Variants in ARMC10 observed in about 807,000 individuals in gnomAD.
ARMC10 encodes the protein armadillo repeat-containing protein 10.
A neutral mutation model predicts 30.2 loss-of-function variants in ARMC10; 23 were observed. That is an observed-to-expected ratio of 0.76 (90% CI 0.55 to 1.08). ARMC10 has a LOEUF of 1.08. Ranked by LOEUF, ARMC10 falls within the 50% of genes least tolerant of loss-of-function variation. The pLI, the probability that ARMC10 is intolerant of heterozygous loss-of-function variation, is 0.00. For missense variants in ARMC10, 303 were observed against 413.7 expected, an observed-to-expected ratio of 0.73 and a Z score of 2.32; for synonymous variants, 111 against 164.4, an observed-to-expected ratio of 0.68 and a Z score of 2.48.
chr7:103,075,812 TGC>T lies in ARMC10; in HGVS notation c.177_178del (p.Cys59TrpfsTer23), dbSNP rs1251575363. 1.2e-6 allele frequency: 2 copies of T among 1,610,982 alleles called. No homozygotes were observed. The highest frequency in any genetic ancestry group is 1.6e-4 in the Middle Eastern group (1 of 6,080). ...LEEGTSEGQL[C>X]GRSARPQTGG... Reference sequence around the variant, plus strand: ...AGAAGGGACGTCAGAGGGTCAGTTGTGCGGGCGCTCGGCCCGGCCTCAGACGG... The same window carrying T: ...AGAAGGGACGTCAGAGGGTCAGTTGTGGGCGCTCGGCCCGGCCTCAGACGG... On this transcript the variant is annotated frameshift_variant, in exon 2 of 7. Coordinates refer to ENST00000323716, the MANE Select transcript of ARMC10 (RefSeq NM_031905.5). LOFTEE classifies it high-confidence loss of function.
chr7:103,079,349 A>T (rs575447806), intron 2 of ARMC10, among the ~76,000 whole-genome samples: 9 of 152,314 alleles, frequency 5.9e-5, no homozygotes, highest in East Asian at 5.8e-4. Context: ...AAGAAAAAAA[A>T]TTTTATCATT....
At chr7:103,088,682 T>G (rs940478682) in intron 4 of ARMC10, 3 of 202,848 alleles carry the variant, frequency 1.5e-5, no homozygotes, top group Admixed American at 1.4e-4. Flanking sequence ...GAAGAATCAT[T>G]TTTACAGTAG....
intron 2 of ARMC10, among the ~76,000 whole-genome samples, chr7:103,080,862 G>A (rs1156678072): frequency 1.3e-5 from 2 of 151,516 alleles, no homozygotes; most frequent in African/African-American, 4.9e-5. Flanking sequence ...TCCTAACCTC[G>A]TGATCCGCCC....
intron 5 of ARMC10, among the ~76,000 whole-genome samples, chr7:103,094,035 G>A (rs1801565899): frequency 6.6e-6 from 1 of 152,204 alleles, no homozygotes; most frequent in South Asian, 2.1e-4. Flanking sequence ...TAAAAATTGA[G>A]TTTAAAGTTC....
chr7:103,079,997 T>C (rs1800234384), intron 2 of ARMC10, among the ~76,000 whole-genome samples: 1 of 152,204 alleles, frequency 6.6e-6, no homozygotes, highest in Admixed American at 6.5e-5. Context: ...TGGTAGTCAC[T>C]TTTCATTCCC....
intron 5 of ARMC10, chr7:103,096,442 AG>A (rs1156741794): frequency 2.0e-5 from 3 of 152,232 alleles, no homozygotes; most frequent in African/African-American, 7.2e-5. Context: ...GCTTACCAAA[AG>A]GGGCCATATT....
chr7:103,075,676 T>G, intron 1 of ARMC10, 101 bp from the exon 2 acceptor site: 1 of 983,716 alleles, frequency 1.0e-6, no homozygotes, highest in Non-Finnish European at 1.4e-6. Context: ...TGGCCTCTCA[T>G]TTTAAAGCTT....
intron 5 of ARMC10, among the ~76,000 whole-genome samples, chr7:103,094,203 A>G (rs1197230991): frequency 1.3e-5 from 2 of 151,654 alleles, no homozygotes. Flanking sequence ...CCGTTTGGGT[A>G]CACCACTGAT....
chr7:103,095,015 C>T (rs1381757710), intron 5 of ARMC10, among the ~76,000 whole-genome samples: 4 of 152,174 alleles, frequency 2.6e-5, no homozygotes, highest in Non-Finnish European at 5.9e-5. Context: ...ATGTCATCCT[C>T]AAATAAATTA....
chr7:103,092,864 G>A lies in ARMC10; in HGVS notation c.705+211G>A, dbSNP rs182640507. Among the ~76,000 whole-genome samples the A allele has an allele frequency of 1.6e-3, 238 of 152,206 alleles. 1 individual carries two copies. Among genetic ancestry groups the A allele is most frequent in the Admixed American group, 1.9e-3 (29 of 15,288 alleles). On this transcript the variant is annotated intron_variant, in intron 5 of 6. Coordinates refer to ENST00000323716, the MANE Select transcript of ARMC10 (RefSeq NM_031905.5). Reference sequence around the variant, plus strand: ...CTTATCAACAGATTCCTGTTCATTTGGTTTTCTGAGAAGCTAGCTTCCCCC... The same window carrying A: ...CTTATCAACAGATTCCTGTTCATTTAGTTTTCTGAGAAGCTAGCTTCCCCC...
intron 4 of ARMC10, among the ~76,000 whole-genome samples, chr7:103,091,246 T>C (rs912963066): frequency 3.9e-5 from 6 of 152,076 alleles, no homozygotes; most frequent in African/African-American, 1.4e-4. Context: ...CTGGGCAACA[T>C]GGTGAAACCC....
chr7:103,092,765 C>A, intron 5 of ARMC10, 112 bp downstream of exon 5: 2 of 705,428 alleles, frequency 2.8e-6, no homozygotes, highest in Non-Finnish European at 4.2e-6. Context: ...TCACATGGGC[C>A]CAAGAAAGTA....
intron 3 of ARMC10, chr7:103,084,079 A>T (rs1180704266): frequency 2.1e-6 from 3 of 1,441,492 alleles, no homozygotes; most frequent in Non-Finnish European, 2.8e-6. Flanking sequence ...ATATCTAATC[A>T]ACGTTTACCA....
chr7:103,083,853 C>G (rs1381386210), intron 3 of ARMC10, 23 bp downstream of exon 3: 2 of 1,609,648 alleles, frequency 1.2e-6, no homozygotes, highest in Admixed American at 3.4e-5. Flanking sequence ...ACTCAGCAAG[C>G]AAGCTCTTTC....
chr7:103,082,562 C>T (rs1563319456), intron 2 of ARMC10, among the ~76,000 whole-genome samples: 1 of 151,988 alleles, frequency 6.6e-6, no homozygotes, highest in Non-Finnish European at 1.5e-5. Context: ...TCTCGAACCA[C>T]TGGCCTGAAG....
intron 3 of ARMC10, among the ~76,000 whole-genome samples, chr7:103,085,700 C>G (rs1416503746): frequency 6.6e-6 from 1 of 151,626 alleles, no homozygotes; most frequent in Non-Finnish European, 1.5e-5. Context: ...TCACTGTAAC[C>G]TCCTCCCAGG....
intron 5 of ARMC10, among the ~76,000 whole-genome samples, chr7:103,094,576 C>T (rs1179187338): frequency 1.7e-4 from 26 of 152,176 alleles, no homozygotes; most frequent in Non-Finnish European, 2.4e-4. Context: ...AGGCTTATTT[C>T]GTAAGTTCAG....
At chr7:103,080,340 T>C (rs2129520487) in intron 2 of ARMC10, among the ~76,000 whole-genome samples, 1 of 152,270 alleles carries the variant, frequency 6.6e-6, no homozygotes, top group African/African-American at 2.4e-5. Context: ...CTGCAACCTC[T>C]GCCTCCCAGG....
chr7:103,076,074 A>G (rs1046054734), intron 2 of ARMC10, among the ~76,000 whole-genome samples, 193 bp downstream of exon 2: 20 of 152,222 alleles, frequency 1.3e-4, no homozygotes, highest in Admixed American at 8.5e-4. Flanking sequence ...CCTGTCCACA[A>G]TTGTAGAAGA....
Sources: allele counts gnomAD v4.1 joint callset (sites outside exome capture counted in the v4.1 genomes callset), GRCh38; gene constraint gnomAD v4.1.1; transcripts MANE v1.5; gene names NCBI Gene and HGNC (gene_info 2026-07-23, HGNC 2026-07-21).